The following C6orf136 variants were observed in gnomAD, a reference collection of about 807,000 sequenced individuals.
C6orf136 encodes the protein chromosome 6 open reading frame 136, also known as uncharacterized protein C6orf136.
In C6orf136, 29 loss-of-function variants were observed where a neutral mutation model predicts 44.0. The observed-to-expected ratio is 0.66, with a 90% CI of 0.49 to 0.90. The LOEUF (loss-of-function observed/expected upper bound fraction) is 0.90, where lower values mean the gene tolerates loss of function less well. C6orf136 is among the 40% of genes least tolerant of loss of function. C6orf136 has a pLI of 0.00. For missense variants in C6orf136, 628 were observed against 669.3 expected, an observed-to-expected ratio of 0.94 and a Z score of 0.68; for synonymous variants, 293 against 278.6, an observed-to-expected ratio of 1.05 and a Z score of -0.52.
rs1278885172 is a variant in C6orf136 at position 30,647,783 on chromosome 6, G to T, written c.552G>T (p.Pro184=). 6.5e-7 allele frequency: 1 copy of T among 1,542,584 alleles called. No homozygotes were observed. The highest frequency in any genetic ancestry group is 8.7e-7 in the Non-Finnish European group (1 of 1,144,850). ...GCACCCGGTTCGGGCCCCTGCGCCC[G>T]GGCTGGCAAGATGGCCACGCCCCCA... ...PVCTRFGPLR[P]GWQDGHAPSR... Residue 184 remains proline, a synonymous_variant, in exon 1 of 6, where the codon CCG becomes CCT. Coordinates refer to ENST00000651131, the MANE Select transcript of C6orf136 (RefSeq NM_001161376.2). The surrounding 1 kb of genome is among the most constrained non-coding windows in gnomAD (Gnocchi z 4.8).
Position 30,647,317 on chromosome 6 carries a change from A to C in C6orf136, c.86A>C (p.Glu29Ala). 6.3e-7 allele frequency: 1 copy of C among 1,590,778 alleles called. No homozygotes were observed. The highest frequency in any genetic ancestry group is 8.5e-7 in the Non-Finnish European group (1 of 1,171,320). Residue 29 changes from glutamate to alanine, a missense_variant, in exon 1 of 6, where the codon GAA (glutamate) becomes GCA (alanine). Physicochemically the swap from Glu to Ala is moderately radical, Grantham distance 107. Around this residue, in one of 2 missense-constraint regions of C6orf136, gnomAD observed 497 missense variants for 469.2 expected, o/e 1.06. Transcript: ENST00000651131. This position sits in a 1 kb window ranked among gnomAD's most constrained non-coding sequence, Gnocchi z 4.8. The stretch of plus-strand genomic sequence containing the variant: ...GCTCGACCCCAGGTGAGCGGAGGAG[A>C]AGAGGGAGGGAGGAGAGGGGGCGGG... ...YQARPQVSGG[E>A]EGGRRGGGER...
intron 1 of C6orf136, among the ~76,000 whole-genome samples, chr6:30,649,176 A>G (rs1767172601): frequency 6.6e-6 from 1 of 151,988 alleles, no homozygotes; most frequent in Non-Finnish European, 1.5e-5. Flanking sequence ...CATCCTGGCT[A>G]ACATGGTGAA....
In C6orf136 at chr6:30,647,143, C is replaced by T; in HGVS notation, c.-89C>T. 5 of 1,254,864 alleles carry T rather than the reference C, an allele frequency of 4.0e-6. No individual in the cohort carries two copies. Among genetic ancestry groups the T allele is most frequent in the Non-Finnish European group, 5.3e-6 (5 of 940,944 alleles). 77.7% of individuals were successfully genotyped at this position (1,254,864 alleles called of 1,614,324 possible). A position where few individuals can be genotyped will look rare whatever the true frequency, so the allele number is the denominator to read the frequency against. On this transcript the variant is annotated 5_prime_UTR_variant, in exon 1 of 6. Transcript: ENST00000651131. This position sits in a 1 kb window ranked among gnomAD's most constrained non-coding sequence, Gnocchi z 4.8. ...CCCCCCCGCCCCGGCCTCCTTTCCC[C>T]TTCACGAAGCCGGCTCTGGGGCGCG...
At position 30,647,646 on chromosome 6, in the gene C6orf136, G is replaced by T; in HGVS notation, c.415G>T (p.Ala139Ser). 6.5e-7 allele frequency: 1 copy of T among 1,550,026 alleles called. No homozygotes were observed. The highest frequency in any genetic ancestry group is 1.2e-5 in the South Asian group (1 of 84,022). The change falls in exon 1 of 6, where the codon GCT (alanine) becomes TCT (serine). Residue 139 changes from alanine (A) to serine (S), a missense_variant. Ala to Ser is a moderately conservative substitution (Grantham distance 99). Transcript: ENST00000651131. This position sits in a 1 kb window ranked among gnomAD's most constrained non-coding sequence, Gnocchi z 4.8. ...KGRGREIRSP[A>S]AAPSRSSPAQ... is the part of the protein sequence containing the mutation. ...CAGGGGCCGAGAGATTCGTAGCCCT[G>T]CTGCGGCGCCGTCCCGGAGTTCCCC...
chr6:30,647,355 T>A lies in C6orf136; in HGVS notation c.124T>A (p.Ser42Thr). The A allele has an allele frequency of 6.5e-7, 1 of 1,532,952 alleles. No homozygotes were observed. The highest frequency in any genetic ancestry group is 1.4e-5 in the African/African-American group (1 of 70,738). 95.0% of individuals were successfully genotyped at this position (1,532,952 alleles called of 1,614,324 possible). ...GRRGGGERPS[S>T]KPVRGAERAL... ...GAGAGGGGGCGGGGAGAGACCCTCC[T>A]CAAAGCCGGTGCGTGGGGCGGAGCG... Residue 42 changes from serine (S) to threonine (T), a missense_variant, in exon 1 of 6, where the codon TCA becomes ACA. Around this residue, in one of 2 missense-constraint regions of C6orf136, gnomAD observed 497 missense variants for 469.2 expected, o/e 1.06. Coordinates refer to ENST00000651131, the MANE Select transcript of C6orf136 (RefSeq NM_001161376.2). This position sits in a 1 kb window ranked among gnomAD's most constrained non-coding sequence, Gnocchi z 4.8.
chr6:30,649,746 T>C lies in C6orf136; in HGVS notation c.804T>C (p.Pro268=), dbSNP rs368356708. ...QALSSAWVVL[P]PGKGEEGPGP... is the part of the protein sequence containing the mutation. Reference sequence around the variant, plus strand: ...TCAGCTCAGCATGGGTGGTTCTCCCTCCAGGAAAGGGGGAGGAGGGACCAG... The same window carrying C: ...TCAGCTCAGCATGGGTGGTTCTCCCCCCAGGAAAGGGGGAGGAGGGACCAG... The change falls in exon 2 of 6, where the codon CCT becomes CCC. Residue 268 remains proline (P), a synonymous_variant. Transcript: ENST00000651131. 191 of 1,613,588 alleles carry C rather than the reference T, an allele frequency of 1.2e-4. No individual in the cohort carries two copies. The highest frequency in any genetic ancestry group is 9.2e-4 in the South Asian group (84 of 91,076).
Position 30,647,525 on chromosome 6 carries a change from G to C in C6orf136, c.294G>C (p.Leu98Phe). Residue 98 changes from leucine (L) to phenylalanine (F), a missense_variant, in exon 1 of 6, where the codon TTG (leucine) becomes TTC (phenylalanine). Around this residue, in one of 2 missense-constraint regions of C6orf136, gnomAD observed 497 missense variants for 469.2 expected, o/e 1.06. Transcript: ENST00000651131. The surrounding 1 kb of genome is among the most constrained non-coding windows in gnomAD (Gnocchi z 4.8). ...CRARTSVLPG[L>F]RAVRRGQGQA... is the part of the protein sequence containing the mutation. ...CAAGGACGTCGGTCCTCCCAGGTTT[G>C]AGGGCGGTCAGGCGGGGTCAAGGCC... 1 of 1,518,210 alleles carries C rather than the reference G, an allele frequency of 6.6e-7. No homozygotes were observed. The highest frequency in any genetic ancestry group is 8.9e-7 in the Non-Finnish European group (1 of 1,126,820). The allele number at this position is 1,518,210 out of a possible 1,614,324, so 94.0% of individuals were successfully genotyped here. A position where few individuals can be genotyped will look rare whatever the true frequency, so the allele number is the denominator to read the frequency against.
chr6:30,647,309 C>A lies in C6orf136; in HGVS notation c.78C>A (p.Ser26Arg). The change falls in exon 1 of 6, where the codon AGC becomes AGA. Residue 26 changes from serine (S) to arginine (R), a missense_variant. Transcript: ENST00000651131. The surrounding 1 kb of genome is among the most constrained non-coding windows in gnomAD (Gnocchi z 4.8). Reference protein sequence around the residue: ...LRAYQARPQVSGGEEGGRRGG... With the variant: ...LRAYQARPQVRGGEEGGRRGG... ...CCTACCAGGCTCGACCCCAGGTGAG[C>A]GGAGGAGAAGAGGGAGGGAGGAGAG... The A allele has an allele frequency of 1.3e-6, 2 of 1,594,998 alleles. No individual in the cohort carries two copies. The highest frequency in any genetic ancestry group is 8.5e-7 in the Non-Finnish European group (1 of 1,173,220).
In C6orf136 at chr6:30,647,213, TCTC is replaced by T; in HGVS notation, c.-17_-15del. The T allele has an allele frequency of 6.4e-7, 1 of 1,563,468 alleles. No homozygotes were observed. The highest frequency in any genetic ancestry group is 2.4e-5 in the East Asian group (1 of 41,180). On this transcript the variant is annotated 5_prime_UTR_variant, in exon 1 of 6. Coordinates refer to ENST00000651131, the MANE Select transcript of C6orf136 (RefSeq NM_001161376.2). This position sits in a 1 kb window ranked among gnomAD's most constrained non-coding sequence, Gnocchi z 4.8. ...CGGAGGTCGGACTCAGGAGGCTCCT[TCTC>T]CACTCCCGGAAGATCATGTACCAGC...
chr6:30,647,911 G>C lies in C6orf136; in HGVS notation c.615+65G>C, dbSNP rs550293871. ...ATCCCCTGGGGGGTTCCTTGGGAGC[G>C]GAGGGACTCGGGTGAGGCCTAACTT... On this transcript the variant is annotated intron_variant, in intron 1 of 5. Coordinates refer to ENST00000651131, the MANE Select transcript of C6orf136 (RefSeq NM_001161376.2). The surrounding 1 kb of genome is among the most constrained non-coding windows in gnomAD (Gnocchi z 4.8). 7.0e-7 allele frequency: 1 copy of C among 1,423,838 alleles called. No homozygotes were observed. Among genetic ancestry groups the C allele is most frequent in the Admixed American group, 2.9e-5 (1 of 34,908 alleles). 88.2% of individuals were successfully genotyped at this position (1,423,838 alleles called of 1,614,324 possible). A position where few individuals can be genotyped will look rare whatever the true frequency, so the allele number is the denominator to read the frequency against.
chr6:30,652,451 G>A (rs1561959322), intron 4 of C6orf136, among the ~76,000 whole-genome samples, 197 bp from the exon 5 acceptor site: 1 of 152,150 alleles, frequency 6.6e-6, no homozygotes, highest in Non-Finnish European at 1.5e-5. Context: ...AAATGCCCAA[G>A]GATCGTTAAA....
chr6:30,648,004 C>G (rs1037939008), intron 1 of C6orf136, among the ~76,000 whole-genome samples, 158 bp downstream of exon 1: 2 of 152,230 alleles, frequency 1.3e-5, no homozygotes, highest in African/African-American at 4.8e-5. Flanking sequence ...CTTTAACTGT[C>G]TCCTGAGGTT....
chr6:30,650,002 T>C lies in C6orf136; in HGVS notation c.1017+43T>C, dbSNP rs767283133. ...TGGCCTTCGTCTACAGTGGGAAGGA[T>C]GTGGGTAATCCTTGGACGTACAGGG... On this transcript the variant is annotated intron_variant, in intron 2 of 5. Coordinates refer to ENST00000651131, the MANE Select transcript of C6orf136 (RefSeq NM_001161376.2). 5.1e-6 allele frequency: 8 copies of C among 1,574,068 alleles called. No individual in the cohort carries two copies. The African/African-American group carries it at 1.1e-4, about 21-fold the overall frequency.
chr6:30,649,098 C>T (rs1310673084), intron 1 of C6orf136, among the ~76,000 whole-genome samples: 2 of 152,150 alleles, frequency 1.3e-5, no homozygotes, highest in Non-Finnish European at 2.9e-5. Flanking sequence ...GGCGCGGTGG[C>T]CCACGCCTGT....
chr6:30,652,758 A>AT (rs1188831035), intron 5 of C6orf136, 41 bp downstream of exon 5: 2 of 1,612,176 alleles, frequency 1.2e-6, no homozygotes, highest in Admixed American at 3.3e-5. Flanking sequence ...AGGGTAGAAC[A>AT]TTTGTGTGCC....
chr6:30,653,057 CTGTGTAATTTAACTTGTAAATAA>C lies in C6orf136; in HGVS notation c.*144_*166del. The C allele has an allele frequency of 9.5e-7, 1 of 1,050,300 alleles. No homozygotes were observed. Among genetic ancestry groups the C allele is most frequent in the Non-Finnish European group, 1.4e-6 (1 of 728,974 alleles). 65.1% of individuals were successfully genotyped at this position (1,050,300 alleles called of 1,614,324 possible). ...TTCCATCTCATGCTGTGTAAAGCTG[CTGTGTAATTTAACTTGTAAATAA>C]TAAAGTTTAACTGACTATATGAGAT... On this transcript the variant is annotated 3_prime_UTR_variant, in exon 6 of 6. Transcript: ENST00000651131.
rs1211619566 is a variant in C6orf136 at position 30,651,282 on chromosome 6, A to G, written c.1123A>G (p.Ile375Val). The G allele has an allele frequency of 1.2e-6, 2 of 1,614,056 alleles. No individual in the cohort carries two copies. Among genetic ancestry groups the G allele is most frequent in the Admixed American group, 3.3e-5 (2 of 60,008 alleles). ...NIRTKGRTWY[I>V]LSLTLCRFLA... is the part of the protein sequence containing the mutation. ...TCTTCACAGGGGCCGGACATGGTAC[A>G]TTCTTTCACTGACCCTCTGCCGTTT... Residue 375 changes from isoleucine (I) to valine (V), a missense_variant, in exon 4 of 6, where the codon ATT (isoleucine) becomes GTT (valine). By Grantham distance (29) the Ile-to-Val change is conservative. Coordinates refer to ENST00000651131, the MANE Select transcript of C6orf136 (RefSeq NM_001161376.2).
chr6:30,650,285 T>C (rs1767281766), intron 2 of C6orf136, among the ~76,000 whole-genome samples: 1 of 150,088 alleles, frequency 6.7e-6, no homozygotes. Flanking sequence ...TCCCAGCTAC[T>C]CAGGAGGCTG....
chr6:30,649,558 G>C lies in C6orf136; in HGVS notation c.616G>C (p.Asp206His). Reference sequence around the variant, plus strand: ...TCTCCCTTCTGTTCTTTCTCCTTAGGACCAGCTTTATCCAGGGACTCTACC... The same window carrying C: ...TCTCCCTTCTGTTCTTTCTCCTTAGCACCAGCTTTATCCAGGGACTCTACC... ...GASRTPSGTEDQLYPGTLPFP... is the reference protein window; with the variant it reads ...GASRTPSGTEHQLYPGTLPFP... Residue 206 changes from aspartate to histidine, a missense_variant and splice_region_variant, in exon 2 of 6, where the codon GAC becomes CAC. Transcript: ENST00000651131. 6.3e-7 allele frequency: 1 copy of C among 1,579,530 alleles called. No homozygotes were observed. Among genetic ancestry groups the C allele is most frequent in the Non-Finnish European group, 8.5e-7 (1 of 1,171,404 alleles).
Sources: allele counts gnomAD v4.1 joint callset (sites outside exome capture counted in the v4.1 genomes callset), GRCh38; gene constraint gnomAD v4.1.1; regional missense constraint gnomAD v4.1.1; non-coding constraint Gnocchi (gnomAD v3.1); transcripts MANE v1.5; gene names NCBI Gene and HGNC (gene_info 2026-07-23, HGNC 2026-07-21).